Variants in ADARB1 observed in about 807,000 individuals in gnomAD.
The protein encoded by ADARB1 is double-stranded RNA-specific editase 1.
Under a neutral mutation model 52.4 loss-of-function variants are expected in ADARB1, and 10 were observed. The ratio of observed to expected loss-of-function variants is 0.19; its 90% CI spans 0.12 to 0.32. The LOEUF (loss-of-function observed/expected upper bound fraction) is 0.32. Among genes scored for constraint, ADARB1 ranks in the 10% least tolerant of loss-of-function variants. The pLI is 1.00. For synonymous variants in ADARB1, 349 were observed against 371.1 expected, an observed-to-expected ratio of 0.94 and a Z score of 0.68; for missense variants, 643 against 922.3, an observed-to-expected ratio of 0.70 and a Z score of 3.92.
intron 2 of ADARB1, among the ~76,000 whole-genome samples, chr21:45,155,254 G>C (rs183420432): frequency 6.6e-6 from 1 of 152,238 alleles, no homozygotes; most frequent in Admixed American, 6.5e-5. Context: ...TCCAAACGTA[G>C]AGAGGCCTGC....
At chr21:45,151,601 C>T (rs1383537867) in intron 2 of ADARB1, among the ~76,000 whole-genome samples, 1 of 152,160 alleles carries the variant, frequency 6.6e-6, no homozygotes, top group East Asian at 1.9e-4. Context: ...GATGCAGCTG[C>T]CTTTTGTTCC....
intron 2 of ADARB1, among the ~76,000 whole-genome samples, chr21:45,166,312 A>G (rs1020599334): frequency 6.6e-6 from 1 of 152,228 alleles, no homozygotes; most frequent in Non-Finnish European, 1.5e-5. Flanking sequence ...CAATTTGACC[A>G]TGTTAGCTGA....
chr21:45,091,052 T>C (rs2086543563), intron 1 of ADARB1, among the ~76,000 whole-genome samples: 1 of 152,276 alleles, frequency 6.6e-6, no homozygotes, highest in Non-Finnish European at 1.5e-5. Context: ...TTTTCATTCA[T>C]GTGTTTATGC....
At chr21:45,080,310 G>A (rs2086104379) in intron 1 of ADARB1, among the ~76,000 whole-genome samples, 1 of 152,206 alleles carries the variant, frequency 6.6e-6, no homozygotes, top group Non-Finnish European at 1.5e-5. Context: ...TAATAGGAAT[G>A]ATCCAGTAGA....
intron 2 of ADARB1, among the ~76,000 whole-genome samples, chr21:45,132,880 A>G (rs1470777280): frequency 1.3e-5 from 2 of 152,226 alleles, no homozygotes; most frequent in African/African-American, 2.4e-5. Context: ...GGCTAGAGAT[A>G]GACGAAGAAG....
In ADARB1 at chr21:45,185,016, C is replaced by T. The variant is rs150948356; in HGVS notation, c.1490C>T (p.Ala497Val). 2.5e-5 allele frequency: 40 copies of T among 1,614,148 alleles called. No individual in the cohort carries two copies. The highest frequency in any genetic ancestry group is 4.0e-5 in the African/African-American group (3 of 75,036). ...GGGACGATTCCAGTGCGCTCCAATGCGAGCATCCAAACGTGGGACGGGGTG... is the reference window on the plus strand; with the variant it reads ...GGGACGATTCCAGTGCGCTCCAATGTGAGCATCCAAACGTGGGACGGGGTG... ...GEGTIPVRSNASIQTWDGVLQ... is the reference protein window; with the variant it reads ...GEGTIPVRSNVSIQTWDGVLQ... The change falls in exon 8 of 11, where the codon GCG (alanine) becomes GTG (valine). Residue 497 changes from alanine (A) to valine (V), a missense_variant. Coordinates refer to ENST00000348831, the MANE Select transcript of ADARB1 (RefSeq NM_001112.4).
intron 2 of ADARB1, among the ~76,000 whole-genome samples, chr21:45,141,173 G>C (rs1486988913): frequency 1.3e-5 from 2 of 152,162 alleles, no homozygotes; most frequent in Non-Finnish European, 2.9e-5. Context: ...TCCAGCCTGG[G>C]CGACAGAGCG....
intron 8 of ADARB1, among the ~76,000 whole-genome samples, chr21:45,197,237 C>T (rs1299283122): frequency 1.3e-5 from 2 of 151,894 alleles, no homozygotes; most frequent in African/African-American, 4.8e-5. Context: ...CGTGGTGGCT[C>T]ACGCCTGTAA....
At chr21:45,209,866 G>A (rs1433131208) in intron 9 of ADARB1, among the ~76,000 whole-genome samples, 1 of 152,158 alleles carries the variant, frequency 6.6e-6, no homozygotes, top group Admixed American at 6.5e-5. Context: ...TGCCCTCTCT[G>A]TTGTCCCTGA....
At chr21:45,179,209 C>T (rs541613966) in intron 4 of ADARB1, among the ~76,000 whole-genome samples, 48 of 152,292 alleles carry the variant, frequency 3.2e-4, no homozygotes, top group South Asian at 1.0e-3. Flanking sequence ...CCGCTGCCTG[C>T]GGGTGCATGG....
chr21:45,169,308 GTTGAGGTTTT>G (rs1382097204), intron 2 of ADARB1, among the ~76,000 whole-genome samples: 3 of 152,242 alleles, frequency 2.0e-5, no homozygotes, highest in African/African-American at 7.2e-5. Flanking sequence ...GTGGGGCGTG[GTTGAGGTTTT>G]TTGTTTGGTG....
At chr21:45,206,445 A>G (rs1204658067) in intron 9 of ADARB1, among the ~76,000 whole-genome samples, 1 of 150,990 alleles carries the variant, frequency 6.6e-6, no homozygotes, top group Non-Finnish European at 1.5e-5. Flanking sequence ...TATTTCACTT[A>G]TGTGAAAAGC....
Position 45,224,685 on chromosome 21 carries a change from G to C in ADARB1, c.*2488G>C, listed in dbSNP as rs1362442059. 32 of 852,130 alleles carry C rather than the reference G, an allele frequency of 3.8e-5. No individual in the cohort carries two copies. Among genetic ancestry groups the C allele is most frequent in the Middle Eastern group, 6.2e-4 (1 of 1,602 alleles). 52.8% of individuals were successfully genotyped at this position (852,130 alleles called of 1,614,324 possible). ...GTTCCGGGAGCCCTGGGCCGGGGCAGGGGGCGGCTGTAGGAAGGAACTGGT... is the reference window on the plus strand; with the variant it reads ...GTTCCGGGAGCCCTGGGCCGGGGCACGGGGCGGCTGTAGGAAGGAACTGGT... On this transcript the variant is annotated 3_prime_UTR_variant, in exon 11 of 11. Coordinates refer to ENST00000348831, the MANE Select transcript of ADARB1 (RefSeq NM_001112.4).
At chr21:45,084,588 A>AG (rs1215029421) in intron 1 of ADARB1, among the ~76,000 whole-genome samples, 38 of 152,312 alleles carry the variant, frequency 2.5e-4, no homozygotes, top group Admixed American at 2.4e-3. Context: ...TAAATTGAGC[A>AG]GGGGTTGTTT....
intron 1 of ADARB1, among the ~76,000 whole-genome samples, chr21:45,092,874 T>C (rs947103788): frequency 6.7e-6 from 1 of 148,796 alleles, no homozygotes; most frequent in African/African-American, 2.4e-5. Context: ...GAGTAATTCA[T>C]TATCACACAT....
At chr21:45,075,933 A>G (rs1476666841) in intron 1 of ADARB1, among the ~76,000 whole-genome samples, 1 of 152,208 alleles carries the variant, frequency 6.6e-6, no homozygotes, top group Admixed American at 6.5e-5. Flanking sequence ...CATAATTAAG[A>G]TGATAGAACC....
intron 3 of ADARB1, among the ~76,000 whole-genome samples, chr21:45,174,756 A>G (rs1391869839): frequency 3.3e-5 from 5 of 152,234 alleles, no homozygotes; most frequent in Admixed American, 3.3e-4. Context: ...AATAAAATTT[A>G]AAAATTATGT....
At position 45,142,889 on chromosome 21, in the gene ADARB1, C is replaced by G. The variant is rs1481969785; in HGVS notation, c.-48+14316C>G. Among the ~76,000 whole-genome samples, 1 of 152,148 alleles carries G rather than the reference C, an allele frequency of 6.6e-6. No homozygotes were observed. Among genetic ancestry groups the G allele is most frequent in the Non-Finnish European group, 1.5e-5 (1 of 68,028 alleles). On this transcript the variant is annotated intron_variant, in intron 2 of 10. Coordinates refer to ENST00000348831, the MANE Select transcript of ADARB1 (RefSeq NM_001112.4). This position sits in a 1 kb window ranked among gnomAD's most constrained non-coding sequence, Gnocchi z 4.0. ...TTTGACCAGGGGGACCAGCTAGTGACTCTGTGCTGGTTACTACTTTACCAA... is the reference window on the plus strand; with the variant it reads ...TTTGACCAGGGGGACCAGCTAGTGAGTCTGTGCTGGTTACTACTTTACCAA...
At chr21:45,100,002 A>G (rs1190218572) in intron 1 of ADARB1, among the ~76,000 whole-genome samples, 2 of 152,252 alleles carry the variant, frequency 1.3e-5, no homozygotes, top group Non-Finnish European at 2.9e-5. Flanking sequence ...AAGATAACAC[A>G]TGGATAGAAA....
Sources: gnomAD v4.1 joint callset for allele counts (sites outside exome capture counted in the v4.1 genomes callset) on GRCh38, gnomAD v4.1.1 for gene constraint, Gnocchi (gnomAD v3.1) non-coding constraint, MANE v1.5 for transcripts, NCBI Gene and HGNC (gene_info 2026-07-23, HGNC 2026-07-21) for gene names.